Variants in CSMD2 observed in about 807,000 individuals in gnomAD.
The protein encoded by CSMD2 is CUB and sushi domain-containing protein 2.
CSMD2 carries 130 observed loss-of-function variants against 398.5 expected under a neutral mutation model. The ratio of observed to expected loss-of-function variants is 0.33; its 90% CI spans 0.28 to 0.38. The LOEUF is 0.38. CSMD2 is among the 10% of genes least tolerant of loss of function. The pLI, the probability that CSMD2 is intolerant of heterozygous loss-of-function variation, is 1.00. For missense variants in CSMD2, 3,829 were observed against 4,764.9 expected, an observed-to-expected ratio of 0.80 and a Z score of 5.78; for synonymous variants, 1,828 against 1,908.5, an observed-to-expected ratio of 0.96 and a Z score of 1.10.
intron 12 of CSMD2, 44 bp downstream of exon 12, chr1:33,788,556 T>G (rs1214251502): frequency 9.4e-7 from 1 of 1,066,708 alleles, no homozygotes; most frequent in Non-Finnish European, 1.4e-6. Flanking sequence ...ACCCCGTCTC[T>G]GACTCCCAGG....
intron 5 of CSMD2, chr1:33,885,204 C>G (rs72892960): frequency 6.6e-6 from 1 of 152,084 alleles, no homozygotes; most frequent in Non-Finnish European, 1.5e-5. Context: ...GTTTGACTTC[C>G]GAGACATATC....
chr1:33,996,270 G>C (rs1646724264), intron 3 of CSMD2, among the ~76,000 whole-genome samples: 1 of 152,182 alleles, frequency 6.6e-6, no homozygotes, highest in Non-Finnish European at 1.5e-5. Context: ...TGGACACACA[G>C]TGTCCACCAA....
rs894346069 is a variant in CSMD2, at chr1:33,674,735, G to T, written c.4053-11643C>A. On this transcript the variant is annotated intron_variant, in intron 25 of 70. Coordinates refer to ENST00000373381, the MANE Select transcript of CSMD2 (RefSeq NM_001281956.2). ...AAAGAACTCCTCAGCAAATGTAAAAGAACAGAAATTATAACAAACTATCTC... is the reference window on the plus strand; with the variant it reads ...AAAGAACTCCTCAGCAAATGTAAAATAACAGAAATTATAACAAACTATCTC... Among the ~76,000 whole-genome samples the T allele has an allele frequency of 2.0e-4, 31 of 152,152 alleles. 1 individual carries two copies. Among genetic ancestry groups the T allele is most frequent in the Admixed American group, 1.1e-3 (17 of 15,276 alleles).
In CSMD2 at chr1:33,988,045, T is replaced by G. The variant is rs963918679; in HGVS notation, c.517+44549A>C. ...CAGAGCAAACACTTCATGTACCAAG[T>G]GCATTTAAGACTTTTCTTGAGCTGG... On this transcript the variant is annotated intron_variant, in intron 3 of 70. Transcript: ENST00000373381. Among the ~76,000 whole-genome samples, 9 of 152,324 alleles carry G rather than the reference T, an allele frequency of 5.9e-5. No homozygotes were observed. The South Asian group carries it at 1.7e-3, about 28-fold the overall frequency.
intron 2 of CSMD2, among the ~76,000 whole-genome samples, chr1:34,046,663 G>A (rs1055486262): frequency 8.5e-5 from 13 of 152,198 alleles, no homozygotes; most frequent in Admixed American, 2.0e-4. Flanking sequence ...TCTATGATCT[G>A]ATAGGTTCAC....
intron 10 of CSMD2, among the ~76,000 whole-genome samples, chr1:33,801,776 G>A (rs1655635342): frequency 6.6e-6 from 1 of 152,190 alleles, no homozygotes; most frequent in African/African-American, 2.4e-5. Flanking sequence ...TGGAGGAGAA[G>A]GGAAGGCACA....
chr1:33,820,730 T>C (rs1472396498), intron 7 of CSMD2, among the ~76,000 whole-genome samples, 174 bp from the exon 8 acceptor site: 1 of 152,108 alleles, frequency 6.6e-6, no homozygotes, highest in Non-Finnish European at 1.5e-5. Flanking sequence ...CTGGGGTTTC[T>C]TGGATGTGCA....
At chr1:34,118,076 CA>C (rs71571769) in intron 1 of CSMD2, among the ~76,000 whole-genome samples, 160 of 152,108 alleles carry the variant, frequency 1.1e-3, no homozygotes, top group Non-Finnish European at 1.9e-3. Flanking sequence ...ATTAGCTGGG[CA>C]TGGTGGCAGG....
intron 5 of CSMD2, among the ~76,000 whole-genome samples, chr1:33,880,523 A>G (rs1484878565): frequency 3.3e-5 from 5 of 152,174 alleles, no homozygotes; most frequent in East Asian, 3.9e-4. Flanking sequence ...TTTAAAAACT[A>G]TTTACATTAA....
rs146560787 is a variant in CSMD2, at chr1:34,142,579, T to G, written c.187+22332A>C. 2.5e-3 allele frequency among the ~76,000 whole-genome samples: 378 copies of G among 152,310 alleles called. 1 individual carries two copies. Among genetic ancestry groups the G allele is most frequent in the Non-Finnish European group, 4.2e-3 (284 of 68,032 alleles). On this transcript the variant is annotated intron_variant, in intron 1 of 70. Transcript: ENST00000373381. Reference sequence around the variant, plus strand: ...GGCAGGGGGTGATGGAAGAAGAGAATGGCCCCCTCTCTCCATCTTCTTGCA... The same window carrying G: ...GGCAGGGGGTGATGGAAGAAGAGAAGGGCCCCCTCTCTCCATCTTCTTGCA...
intron 1 of CSMD2, among the ~76,000 whole-genome samples, chr1:34,101,410 G>A (rs756643497): frequency 1.2e-4 from 19 of 152,120 alleles, no homozygotes; most frequent in Non-Finnish European, 2.4e-4. Context: ...CAGATGACTG[G>A]GTCAAATGGT....
rs556454289 is a variant in CSMD2 at position 33,787,487 on chromosome 1, G to A, written c.1663+1113C>T. 5.3e-5 allele frequency among the ~76,000 whole-genome samples: 8 copies of A among 152,172 alleles called. No individual in the cohort carries two copies. In the South Asian group the frequency reaches 1.0e-3, roughly 20 times the overall value. On this transcript the variant is annotated intron_variant, in intron 12 of 70. Coordinates refer to ENST00000373381, the MANE Select transcript of CSMD2 (RefSeq NM_001281956.2). The stretch of plus-strand genomic sequence containing the variant: ...TTTAGGCTCACTTTTGTGACAAAGC[G>A]CTTTCCTGATCCCCTTTCAGATGTT...
intron 3 of CSMD2, among the ~76,000 whole-genome samples, chr1:33,995,438 G>A (rs1045517458): frequency 2.6e-5 from 4 of 152,122 alleles, no homozygotes; most frequent in Non-Finnish European, 4.4e-5. Flanking sequence ...CTGGGACATC[G>A]GACCTTGTCT....
chr1:33,666,959 G>A (rs1644338404), intron 25 of CSMD2, among the ~76,000 whole-genome samples: 1 of 152,182 alleles, frequency 6.6e-6, no homozygotes, highest in African/African-American at 2.4e-5. Context: ...TGAAAGGAGA[G>A]TGCTTTCTTT....
chr1:33,583,843 AAG>A lies in CSMD2; in HGVS notation c.7052-15_7052-14del, dbSNP rs1557575518. On this transcript the variant is annotated splice_polypyrimidine_tract_variant and intron_variant, in intron 46 of 70. Transcript: ENST00000373381. The stretch of plus-strand genomic sequence containing the variant: ...GTTGGACAGTGCACTTGGAGAAAGA[AAG>A]AGAAACACCAAGTACGTGGGGGTGG... 1 of 1,610,320 alleles carries A rather than the reference AAG, an allele frequency of 6.2e-7. No individual in the cohort carries two copies. The highest frequency in any genetic ancestry group is 1.1e-5 in the South Asian group (1 of 90,816).
intron 12 of CSMD2, among the ~76,000 whole-genome samples, chr1:33,784,941 T>C (rs1269102005): frequency 6.6e-6 from 1 of 152,200 alleles, no homozygotes; most frequent in Non-Finnish European, 1.5e-5. Flanking sequence ...GGGACCACAC[T>C]GGGATTTACT....
intron 1 of CSMD2, among the ~76,000 whole-genome samples, chr1:34,121,603 G>A (rs1366417453): frequency 6.6e-5 from 10 of 152,124 alleles, no homozygotes; most frequent in Admixed American, 2.6e-4. Flanking sequence ...AAGCTTCCAG[G>A]TGATACTGAT....
At chr1:33,852,579 C>T (rs1399682293) in intron 5 of CSMD2, among the ~76,000 whole-genome samples, 2 of 152,240 alleles carry the variant, frequency 1.3e-5, no homozygotes, top group African/African-American at 2.4e-5. Flanking sequence ...ATTTCCTTTC[C>T]TCTATCTCTC....
At chr1:33,777,518 A>T (rs1056431488) in intron 12 of CSMD2, among the ~76,000 whole-genome samples, 5 of 152,174 alleles carry the variant, frequency 3.3e-5, no homozygotes, top group African/African-American at 1.2e-4. Flanking sequence ...AAGGTGTTTG[A>T]TCTTGGCACT....
Sources: allele counts gnomAD v4.1 joint callset (sites outside exome capture counted in the v4.1 genomes callset), GRCh38; gene constraint gnomAD v4.1.1; transcripts MANE v1.5; gene names NCBI Gene and HGNC (gene_info 2026-07-23, HGNC 2026-07-21).